Variants in UBE2F observed in about 807,000 individuals in gnomAD.
UBE2F encodes NEDD8-conjugating enzyme UBE2F.
UBE2F carries 5 observed loss-of-function variants against 29.6 expected under a neutral mutation model. The ratio of observed to expected loss-of-function variants is 0.17; its 90% CI spans 0.09 to 0.36. UBE2F has a LOEUF of 0.36. UBE2F is among the 10% of genes least tolerant of loss of function. The probability of loss-of-function intolerance (pLI) is 1.00; values close to 1 mark genes in which losing one functional copy is unlikely to be tolerated. For synonymous variants in UBE2F, 66 were observed against 81.8 expected (o/e 0.81, Z 1.04); for missense variants, 141 against 228.5 (o/e 0.62, Z 2.47).
At chr2:238,015,151 G>A (rs2106381628) in intron 4 of UBE2F, among the ~76,000 whole-genome samples, 1 of 152,300 alleles carries the variant, frequency 6.6e-6, no homozygotes, top group East Asian at 1.9e-4. Flanking sequence ...AATCTTGGTT[G>A]GGAAAGGCCT....
intron 6 of UBE2F, among the ~76,000 whole-genome samples, chr2:238,028,439 A>G (rs1179121659): frequency 3.3e-5 from 5 of 152,272 alleles, no homozygotes; most frequent in East Asian, 1.9e-4. Flanking sequence ...TAAGATCTAT[A>G]TAAGAAAATG....
chr2:238,033,824 C>T (rs866688839), intron 8 of UBE2F, among the ~76,000 whole-genome samples: 3 of 152,338 alleles, frequency 2.0e-5, no homozygotes, highest in African/African-American at 7.2e-5. Flanking sequence ...TGTTCTGCTT[C>T]TGTCTTTGGC....
At chr2:237,995,903 C>T (rs2063682712) in intron 4 of UBE2F, among the ~76,000 whole-genome samples, 1 of 152,158 alleles carries the variant, frequency 6.6e-6, no homozygotes, top group Non-Finnish European at 1.5e-5. Flanking sequence ...ACTAGAACAT[C>T]ATCATTATGT....
At chr2:238,035,617 ATCT>A (rs1190002554) in intron 8 of UBE2F, 2 of 384,636 alleles carry the variant, frequency 5.2e-6, no homozygotes, top group African/African-American at 4.1e-5. Context: ...AATTTACTCC[ATCT>A]TCACCAAACT....
intron 3 of UBE2F, among the ~76,000 whole-genome samples, chr2:237,993,940 G>A (rs938302011): frequency 2.2e-4 from 33 of 152,080 alleles, no homozygotes; most frequent in African/African-American, 7.5e-4. Context: ...ATTTGGACCA[G>A]TGGGCACAGA....
chr2:238,040,986 T>C lies in UBE2F; in HGVS notation c.508-302T>C, dbSNP rs954860389. ...GGCTTTGTGACCTCGACCACACTTT[T>C]CTGGGCTCCACTTTCCCCATCTGGA... On this transcript the variant is annotated intron_variant, in intron 9 of 9. Coordinates refer to ENST00000272930, the MANE Select transcript of UBE2F (RefSeq NM_080678.3). The surrounding 1 kb of genome is among the most constrained non-coding windows in gnomAD (Gnocchi z 4.4). Among the ~76,000 whole-genome samples the C allele has an allele frequency of 6.6e-6, 1 of 152,166 alleles. No individual in the cohort carries two copies. Among genetic ancestry groups the C allele is most frequent in the African/African-American group, 2.4e-5 (1 of 41,438 alleles).
At chr2:238,039,311 C>T (rs1011749682) in intron 9 of UBE2F, among the ~76,000 whole-genome samples, 37 of 152,256 alleles carry the variant, frequency 2.4e-4, no homozygotes, top group Admixed American at 6.5e-4. Flanking sequence ...GGAGAGGGGG[C>T]CACAGAGGGC....
At chr2:238,003,815 T>C (rs984914873) in intron 4 of UBE2F, among the ~76,000 whole-genome samples, 1 of 152,204 alleles carries the variant, frequency 6.6e-6, no homozygotes, top group Non-Finnish European at 1.5e-5. Flanking sequence ...TAGACAGCTC[T>C]CTGCCTTTTG....
chr2:237,996,475 C>T (rs7592381), intron 4 of UBE2F, among the ~76,000 whole-genome samples: 115,975 of 143,034 alleles, frequency 0.81, 46,364 homozygotes, highest in East Asian at 0.97. Context: ...CTCCCCTCCG[C>T]GTTTTTTTTT....
chr2:238,042,166 A>T lies in UBE2F; in HGVS notation c.*828A>T, dbSNP rs776456827. The T allele has an allele frequency of 6.6e-6, 1 of 152,244 alleles. No homozygotes were observed. Among genetic ancestry groups the T allele is most frequent in the Non-Finnish European group, 1.5e-5 (1 of 68,042 alleles). The allele number at this position is 152,244 out of a possible 1,614,324, so 9.4% of individuals were successfully genotyped here. A position where few individuals can be genotyped will look rare whatever the true frequency, so the allele number is the denominator to read the frequency against. On this transcript the variant is annotated 3_prime_UTR_variant, in exon 10 of 10. Coordinates refer to ENST00000272930, the MANE Select transcript of UBE2F (RefSeq NM_080678.3). ...TGGAGCCCTTTGAAGCTAGATTTGG[A>T]TGATCAAAACAAAAAGGCAGGGAGC... is the stretch of plus-strand genomic sequence containing the variant.
At chr2:238,016,418 T>G in intron 4 of UBE2F, 148 bp from the exon 5 acceptor site, 1 of 631,300 alleles carries the variant, frequency 1.6e-6, no homozygotes. Context: ...TGTGTGTGCA[T>G]TTGGTGATGG....
chr2:237,981,926 T>C (rs1015431142), intron 2 of UBE2F, among the ~76,000 whole-genome samples: 9 of 152,048 alleles, frequency 5.9e-5, no homozygotes, highest in African/African-American at 2.2e-4. Context: ...GGGAGAGAAT[T>C]TTAAAAATTC....
chr2:237,969,137 AC>A (rs2063121054), intron 1 of UBE2F, among the ~76,000 whole-genome samples: 1 of 152,226 alleles, frequency 6.6e-6, no homozygotes, highest in South Asian at 2.1e-4. Flanking sequence ...AAAACAAAGC[AC>A]CAGTGTTACA....
intron 1 of UBE2F, chr2:237,968,747 C>T (rs1404991303): frequency 1.2e-5 from 8 of 670,410 alleles, no homozygotes; most frequent in Non-Finnish European, 1.5e-5. Context: ...CCAATTACAA[C>T]TTGTGGAATT....
intron 3 of UBE2F, among the ~76,000 whole-genome samples, chr2:237,993,623 G>A (rs1206553060): frequency 1.3e-5 from 2 of 152,154 alleles, no homozygotes; most frequent in Non-Finnish European, 2.9e-5. Flanking sequence ...TGAGGTGGGA[G>A]GATCACCTGA....
At chr2:238,001,033 C>CTTTTT (rs371184007) in intron 4 of UBE2F, among the ~76,000 whole-genome samples, 6 of 111,828 alleles carry the variant, frequency 5.4e-5, no homozygotes, top group Admixed American at 1.1e-4. Flanking sequence ...AGAGTTTTGC[C>CTTTTT]TTTTTTTTTT....
intron 6 of UBE2F, among the ~76,000 whole-genome samples, chr2:238,027,600 A>G (rs1314150438): frequency 2.0e-5 from 3 of 152,202 alleles, no homozygotes; most frequent in Admixed American, 6.5e-5. Context: ...TGTAACTCGT[A>G]TGTACCCTTG....
At chr2:238,007,486 C>T (rs2063932459) in intron 4 of UBE2F, among the ~76,000 whole-genome samples, 1 of 151,052 alleles carries the variant, frequency 6.6e-6, no homozygotes, top group South Asian at 2.1e-4. Flanking sequence ...TTCTTGTTTG[C>T]ATATATACAT....
intron 7 of UBE2F, among the ~76,000 whole-genome samples, chr2:238,031,290 G>T (rs937413105): frequency 2.0e-5 from 3 of 152,174 alleles, no homozygotes; most frequent in African/African-American, 7.2e-5. Context: ...CCTCTCCCTG[G>T]CAGACTCCTG....
Sources: allele counts gnomAD v4.1 joint callset (sites outside exome capture counted in the v4.1 genomes callset), GRCh38; gene constraint gnomAD v4.1.1; non-coding constraint Gnocchi (gnomAD v3.1); transcripts MANE v1.5; gene names NCBI Gene and HGNC (gene_info 2026-07-23, HGNC 2026-07-21).